SPTB: variants seen among roughly 807,000 people sequenced by gnomAD.
The protein encoded by SPTB is spectrin beta chain, erythrocytic.
SPTB carries 45 observed loss-of-function variants against 256.2 expected under a neutral mutation model. That is an observed-to-expected ratio of 0.18 (90% CI 0.14 to 0.23). SPTB has a LOEUF of 0.23. Ranked by LOEUF, SPTB falls within the 10% of genes least tolerant of loss-of-function variation. The probability of loss-of-function intolerance (pLI) is 1.00; values close to 1 mark genes in which losing one functional copy is unlikely to be tolerated. For synonymous variants in SPTB, 1,231 were observed against 1,243.1 expected, an observed-to-expected ratio of 0.99 and a Z score of 0.21; for missense variants, 2,715 against 3,040.4, an observed-to-expected ratio of 0.89 and a Z score of 2.52.
rs1008618809 is a variant in SPTB, at chr14:64,827,789, C to T, written c.-51-4644G>A. ...GCTCTAGTCTGGCACCTCCATCTGC[C>T]TACCAGACATTTCCACCTAGAAATT... On this transcript the variant is annotated intron_variant, in intron 1 of 35. Coordinates refer to ENST00000644917, the MANE Select transcript of SPTB (RefSeq NM_001355436.2). This position sits in a 1 kb window ranked among gnomAD's most constrained non-coding sequence, Gnocchi z 4.6. Among the ~76,000 whole-genome samples, 24 of 152,220 alleles carry T rather than the reference C, an allele frequency of 1.6e-4. No homozygotes were observed. The highest frequency in any genetic ancestry group is 5.3e-4 in the African/African-American group (22 of 41,446).
At position 64,823,932 on chromosome 14, in the gene SPTB, T is replaced by G. The variant is rs563703121; in HGVS notation, c.-51-787A>C. On this transcript the variant is annotated intron_variant, in intron 1 of 35. Transcript: ENST00000644917. This position sits in a 1 kb window ranked among gnomAD's most constrained non-coding sequence, Gnocchi z 6.5. ...GGACAATGGAACCGTGCATTGTGAG[T>G]CCATGTGATGAACCAGCGCATCAGG... Among the ~76,000 whole-genome samples the G allele has an allele frequency of 4.6e-5, 7 of 152,266 alleles. No individual in the cohort carries two copies. In the East Asian group the frequency reaches 1.4e-3, roughly 29 times the overall value.
rs1250757517 is a variant in SPTB at position 64,749,694 on chromosome 14, A to T, written c.6779T>A (p.Leu2260Gln). 6.2e-7 allele frequency: 1 copy of T among 1,613,650 alleles called. No homozygotes were observed. Among genetic ancestry groups the T allele is most frequent in the Non-Finnish European group, 8.5e-7 (1 of 1,179,918 alleles). Residue 2260 changes from leucine to glutamine, a missense_variant and splice_region_variant, in exon 35 of 36, where the codon CTG becomes CAG. By Grantham distance (113) the Leu-to-Gln change is moderately radical. Around this residue, in one of 4 missense-constraint regions of SPTB, gnomAD observed 2,239 missense variants for 2,384.4 expected, o/e 0.94. Coordinates refer to ENST00000644917, the MANE Select transcript of SPTB (RefSeq NM_001355436.2). This position sits in a 1 kb window ranked among gnomAD's most constrained non-coding sequence, Gnocchi z 4.7. ...KKKKHVFKLR[L>Q]SNGSEWLFHG... ...GAAGAGCCACTCGCTGCCATTACTC[A>T]GCCTAGGAGGACAAAGGGTTTCCTG...
At chr14:64,813,474 A>C (rs1234268081) in intron 2 of SPTB, among the ~76,000 whole-genome samples, 1 of 152,124 alleles carries the variant, frequency 6.6e-6, no homozygotes, top group East Asian at 1.9e-4. Flanking sequence ...GGAAGCCAAG[A>C]GCTTGGGGAA....
At chr14:64,803,982 C>T (rs1414482476) in intron 3 of SPTB, among the ~76,000 whole-genome samples, 2 of 152,208 alleles carry the variant, frequency 1.3e-5, no homozygotes, top group Admixed American at 6.5e-5. Context: ...ACCCAGAGAT[C>T]GGTAACCAGG....
At chr14:64,765,425 C>T (rs1252789524) in intron 32 of SPTB, among the ~76,000 whole-genome samples, 2 of 152,148 alleles carry the variant, frequency 1.3e-5, no homozygotes, top group Non-Finnish European at 2.9e-5. Flanking sequence ...GCACAGACCC[C>T]ATGGAGTCCT....
Position 64,749,015 on chromosome 14 carries a change from G to A in SPTB, c.*291C>T. The A allele has an allele frequency of 6.0e-6, 2 of 331,524 alleles. No homozygotes were observed. Among genetic ancestry groups the A allele is most frequent in the African/African-American group, 2.3e-5 (1 of 43,744 alleles). The allele number at this position is 331,524 out of a possible 1,614,324, so 20.5% of individuals were successfully genotyped here. A position where few individuals can be genotyped will look rare whatever the true frequency, so the allele number is the denominator to read the frequency against. On this transcript the variant is annotated 3_prime_UTR_variant, in exon 36 of 36. Transcript: ENST00000644917. The surrounding 1 kb of genome is among the most constrained non-coding windows in gnomAD (Gnocchi z 4.7). ...GGAGGAGGGTGGGAGAGGAGGGCGT[G>A]TGCCTCAGAGAACCGTTTCCTGCCC...
rs751646567 is a variant in SPTB at position 64,749,504 on chromosome 14, G to T, written c.6820-31C>A. ...GGGCGGAGGGTCACGGTGGAGTCTG[G>T]AGGCCCACAGCCCCCCACCTCCCGG... is the stretch of plus-strand genomic sequence containing the variant. On this transcript the variant is annotated intron_variant, in intron 35 of 35. Coordinates refer to ENST00000644917, the MANE Select transcript of SPTB (RefSeq NM_001355436.2). The surrounding 1 kb of genome is among the most constrained non-coding windows in gnomAD (Gnocchi z 4.7). 1.5e-5 allele frequency: 24 copies of T among 1,597,842 alleles called. No homozygotes were observed. Among genetic ancestry groups the T allele is most frequent in the Non-Finnish European group, 2.0e-5 (24 of 1,177,722 alleles).
rs752216665 is a variant in SPTB, at chr14:64,786,582, A to G, written c.3383T>C (p.Ile1128Thr). Reference protein sequence around the residue: ...QRVKESGEKVIQGQTDPEYLL... With the variant: ...QRVKESGEKVTQGQTDPEYLL... ...ATACTCTGGGTCCGTCTGGCCTTGG[A>G]TCACTTTCTCCCCAGACTCCTTAAC... Residue 1128 changes from isoleucine (I) to threonine (T), a missense_variant, in exon 16 of 36, where the codon ATC becomes ACC. Physicochemically the swap from Ile to Thr is moderately conservative, Grantham distance 89 (BLOSUM62 -1). Transcript: ENST00000644917. The surrounding 1 kb of genome is among the most constrained non-coding windows in gnomAD (Gnocchi z 5.6). 4 of 1,613,924 alleles carry G rather than the reference A, an allele frequency of 2.5e-6. No individual in the cohort carries two copies. The highest frequency in any genetic ancestry group is 3.4e-6 in the Non-Finnish European group (4 of 1,180,006).
intron 15 of SPTB, among the ~76,000 whole-genome samples, chr14:64,788,903 T>C (rs989195139): frequency 3.3e-5 from 5 of 152,238 alleles, no homozygotes; most frequent in African/African-American, 9.6e-5. Context: ...CGGTGAAAGA[T>C]GATCACACAT....
In SPTB at chr14:64,801,771, G is replaced by A; in HGVS notation, c.630C>T (p.Ala210=). Residue 210 remains alanine (A), a synonymous_variant, in exon 6 of 36, where the codon GCC becomes GCT. Coordinates refer to ENST00000644917, the MANE Select transcript of SPTB (RefSeq NM_001355436.2). The part of the protein sequence containing the change: ...SSWKDGLAFN[A]LIHKHRPDLI... ...CCTCTTACCGGTGCTTGTGTATCAG[G>A]GCATTAAAGGCCAAGCCATCCTTCC... 9 of 1,614,174 alleles carry A rather than the reference G, an allele frequency of 5.6e-6. No individual in the cohort carries two copies. Among genetic ancestry groups the A allele is most frequent in the Non-Finnish European group, 7.6e-6 (9 of 1,180,024 alleles).
chr14:64,846,961 G>A (rs1329378682), intron 1 of SPTB, among the ~76,000 whole-genome samples: 3 of 152,236 alleles, frequency 2.0e-5, no homozygotes, highest in South Asian at 2.1e-4. Context: ...CCAGCAACAC[G>A]GCATCAAGCT....
At chr14:64,848,192 T>C (rs2083723540) in intron 1 of SPTB, among the ~76,000 whole-genome samples, 1 of 152,238 alleles carries the variant, frequency 6.6e-6, no homozygotes, top group Non-Finnish European at 1.5e-5. Context: ...TCCACAAAGG[T>C]AGAAATCTGT....
chr14:64,839,073 A>G (rs1370554363), intron 1 of SPTB, among the ~76,000 whole-genome samples: 1 of 152,096 alleles, frequency 6.6e-6, no homozygotes, highest in East Asian at 1.9e-4. Flanking sequence ...CAGAGGTTGC[A>G]GTGAGCCGAG....
At position 64,749,444 on chromosome 14, in the gene SPTB, C is replaced by G. The variant is rs1179061892; in HGVS notation, c.6849G>C (p.Val2283=). The change falls in exon 36 of 36, where the codon GTG becomes GTC. Residue 2283 remains valine, a synonymous_variant. Coordinates refer to ENST00000644917, the MANE Select transcript of SPTB (RefSeq NM_001355436.2). The surrounding 1 kb of genome is among the most constrained non-coding windows in gnomAD (Gnocchi z 4.7). ...TCTGGGACTCGTTGATGGCGGTGCT[C>G]ACGCCCTGCAGCCAGGACAGCATCT... ...EEEMLSWLQG[V]STAINESQSI... is the part of the protein sequence containing the mutation. The G allele has an allele frequency of 6.2e-7, 1 of 1,602,584 alleles. No individual in the cohort carries two copies. The highest frequency in any genetic ancestry group is 1.3e-5 in the African/African-American group (1 of 74,890).
Position 64,841,501 on chromosome 14 carries a change from G to A in SPTB, c.-51-18356C>T, listed in dbSNP as rs2083606765. Among the ~76,000 whole-genome samples, 1 of 152,192 alleles carries A rather than the reference G, an allele frequency of 6.6e-6. No homozygotes were observed. Among genetic ancestry groups the A allele is most frequent in the Non-Finnish European group, 1.5e-5 (1 of 68,016 alleles). On this transcript the variant is annotated intron_variant, in intron 1 of 35. Coordinates refer to ENST00000644917, the MANE Select transcript of SPTB (RefSeq NM_001355436.2). This position sits in a 1 kb window ranked among gnomAD's most constrained non-coding sequence, Gnocchi z 4.6. ...AAGATGATCTGCACTGGAGGCCCAGGAGGCTCTTCAGGGTCACAGCTAATC... is the reference window on the plus strand; with the variant it reads ...AAGATGATCTGCACTGGAGGCCCAGAAGGCTCTTCAGGGTCACAGCTAATC...
At position 64,832,246 on chromosome 14, in the gene SPTB, C is replaced by T. The variant is rs2083462766; in HGVS notation, c.-51-9101G>A. Among the ~76,000 whole-genome samples, 3 of 152,214 alleles carry T rather than the reference C, an allele frequency of 2.0e-5. No homozygotes were observed. The South Asian group carries it at 6.2e-4, about 31-fold the overall frequency. On this transcript the variant is annotated intron_variant, in intron 1 of 35. Coordinates refer to ENST00000644917, the MANE Select transcript of SPTB (RefSeq NM_001355436.2). ...CTATTCTTGCCAAAAGTCACTGATACCTCCCTTCCTTGTTACTTAAAGCAG... is the reference window on the plus strand; with the variant it reads ...CTATTCTTGCCAAAAGTCACTGATATCTCCCTTCCTTGTTACTTAAAGCAG...
rs958166968 is a variant in SPTB at position 64,786,292 on chromosome 14, A to G, written c.3561+112T>C. ...AGATTTCCCCCATGAGTGAATACAG[A>G]GTACAAGACAAGAGTAATGTGGTCC... On this transcript the variant is annotated intron_variant, in intron 16 of 35. Transcript: ENST00000644917. This position sits in a 1 kb window ranked among gnomAD's most constrained non-coding sequence, Gnocchi z 5.6. The G allele has an allele frequency of 2.9e-6, 4 of 1,401,052 alleles. No homozygotes were observed. The African/African-American group carries it at 5.7e-5, about 20-fold the overall frequency. The allele number at this position is 1,401,052 out of a possible 1,614,324, so 86.8% of individuals were successfully genotyped here. A position where few individuals can be genotyped will look rare whatever the true frequency, so the allele number is the denominator to read the frequency against.
At chr14:64,858,454 C>T (rs1372702892) in intron 1 of SPTB, among the ~76,000 whole-genome samples, 1 of 152,132 alleles carries the variant, frequency 6.6e-6, no homozygotes, top group African/African-American at 2.4e-5. Context: ...GAAATGAGAA[C>T]ACAGTCAGGA....
intron 29 of SPTB, among the ~76,000 whole-genome samples, chr14:64,768,636 T>C (rs1237026578): frequency 2.0e-5 from 3 of 151,864 alleles, no homozygotes; most frequent in African/African-American, 7.3e-5. Context: ...CCTCAGAGCC[T>C]TACCCCAACC....
Sources: gnomAD v4.1 joint callset for allele counts (sites outside exome capture counted in the v4.1 genomes callset) on GRCh38, gnomAD v4.1.1 for gene constraint, gnomAD v4.1.1 regional missense constraint, Gnocchi (gnomAD v3.1) non-coding constraint, MANE v1.5 for transcripts, NCBI Gene and HGNC (gene_info 2026-07-23, HGNC 2026-07-21) for gene names.